MCM4: variants seen among roughly 807,000 people sequenced by gnomAD.
MCM4 encodes DNA replication licensing factor MCM4.
A neutral mutation model predicts 88.7 loss-of-function variants in MCM4; 60 were observed. The ratio of observed to expected loss-of-function variants is 0.68; its 90% CI spans 0.55 to 0.84. The LOEUF (loss-of-function observed/expected upper bound fraction) is 0.84, where lower values mean the gene tolerates loss of function less well. Among genes scored for constraint, MCM4 ranks in the 40% least tolerant of loss-of-function variants. The pLI is 0.00. For synonymous variants in MCM4, 465 were observed against 410.5 expected, an observed-to-expected ratio of 1.13 and a Z score of -1.61; for missense variants, 1,149 against 1,105.5, an observed-to-expected ratio of 1.04 and a Z score of -0.56.
At chr8:47,975,896 CTT>C in intron 16 of MCM4, 48 bp downstream of exon 16, 1 of 1,343,192 alleles carries the variant, frequency 7.4e-7, no homozygotes, top group Non-Finnish European at 9.8e-7. Context: ...TCTCTTTTTC[CTT>C]AATATTGCTT....
chr8:47,966,716 C>T (rs2090901874), intron 9 of MCM4, among the ~76,000 whole-genome samples: 1 of 152,152 alleles, frequency 6.6e-6, no homozygotes, highest in African/African-American at 2.4e-5. Context: ...CTGCTTTTTC[C>T]ATTGGTAAAG....
At position 47,961,337 on chromosome 8, in the gene MCM4, C is replaced by T. The variant is rs17287548; in HGVS notation, c.70+123C>T. On this transcript the variant is annotated intron_variant, in intron 2 of 16. Transcript: ENST00000649973. ...CGCTCAGCCTCGGGCTGGGCGCTGC[C>T]GCTTGGTGCGCACAGACACCCACAG... 1,437 of 1,458,288 alleles carry T rather than the reference C, an allele frequency of 9.9e-4. 27 individuals are homozygous for T. In the African/African-American group the frequency reaches 0.019, roughly 19 times the overall value. The allele number at this position is 1,458,288 out of a possible 1,614,324, so 90.3% of individuals were successfully genotyped here. A position where few individuals can be genotyped will look rare whatever the true frequency, so the allele number is the denominator to read the frequency against.
rs2090816244 is a variant in MCM4 at position 47,961,012 on chromosome 8, A to G, written c.-17A>G. The G allele has an allele frequency of 1.0e-6, 1 of 1,000,210 alleles. No individual in the cohort carries two copies. Among genetic ancestry groups the G allele is most frequent in the South Asian group, 1.9e-5 (1 of 53,526 alleles). The allele number at this position is 1,000,210 out of a possible 1,614,324, so 62.0% of individuals were successfully genotyped here. ...GTCGTCGGCAAGCGGCCGCCTTTCC[A>G]CGGTAACCGCGCGCCGGCGGGGAGG... is the stretch of plus-strand genomic sequence containing the variant. On this transcript the variant is annotated splice_region_variant and 5_prime_UTR_variant, in exon 1 of 17. Transcript: ENST00000649973.
chr8:47,975,019 G>C (rs1200797983), intron 15 of MCM4, 57 bp downstream of exon 15: 1 of 1,349,196 alleles, frequency 7.4e-7, no homozygotes, highest in Non-Finnish European at 1.0e-6. Flanking sequence ...TATGCATGTA[G>C]TTTATATGTC....
rs562830599 is a variant in MCM4 at position 47,975,796 on chromosome 8, C to G, written c.2447C>G (p.Pro816Arg). The stretch of plus-strand genomic sequence containing the variant: ...CTTATTTTATCTAAGGGCAAAACAC[C>G]AGCTCTAAAATACCAGCAACTTTTT... ...KKLILSKGKT[P>R]ALKYQQLFED... Residue 816 changes from proline to arginine, a missense_variant, in exon 16 of 17, where the codon CCA (proline) becomes CGA (arginine). Physicochemically the swap from Pro to Arg is moderately radical, Grantham distance 103. Coordinates refer to ENST00000649973, the MANE Select transcript of MCM4 (RefSeq NM_182746.3). 3.1e-5 allele frequency: 49 copies of G among 1,586,560 alleles called. No individual in the cohort carries two copies. The Admixed American group carries it at 6.4e-4, about 21-fold the overall frequency.
At chr8:47,962,002 G>C in intron 3 of MCM4, 51 bp from the exon 4 acceptor site, 1 of 1,540,910 alleles carries the variant, frequency 6.5e-7, no homozygotes, top group Non-Finnish European at 9.0e-7. Flanking sequence ...ACAACATGCT[G>C]TAATTTCAGG....
At chr8:47,971,495 C>A in intron 13 of MCM4, 27 bp downstream of exon 13, 1 of 1,610,312 alleles carries the variant, frequency 6.2e-7, no homozygotes, top group South Asian at 1.1e-5. Flanking sequence ...TTATTTTGTT[C>A]ATTTGTAGAA....
chr8:47,962,221 G>A lies in MCM4; in HGVS notation c.399+5G>A, dbSNP rs368548676. The A allele has an allele frequency of 2.2e-5, 35 of 1,614,068 alleles. No individual in the cohort carries two copies. Among genetic ancestry groups the A allele is most frequent in the Non-Finnish European group, 3.0e-5 (35 of 1,180,028 alleles). ...GTGGATCTGCAGTCTGACGGGGTGA[G>A]TATGCAGTCTCCTGAAACCATCTTA... is the stretch of plus-strand genomic sequence containing the variant. On this transcript the variant is annotated splice_donor_5th_base_variant and intron_variant, in intron 4 of 16. Coordinates refer to ENST00000649973, the MANE Select transcript of MCM4 (RefSeq NM_182746.3).
rs2090995713 is a variant in MCM4 at position 47,975,801 on chromosome 8, C to G, written c.2452C>G (p.Leu818Val). The change falls in exon 16 of 17, where the codon CTA (leucine) becomes GTA (valine). Residue 818 changes from leucine (L) to valine (V), a missense_variant. Leu to Val is a conservative substitution (Grantham distance 32). Coordinates refer to ENST00000649973, the MANE Select transcript of MCM4 (RefSeq NM_182746.3). The stretch of plus-strand genomic sequence containing the variant: ...TTTATCTAAGGGCAAAACACCAGCT[C>G]TAAAATACCAGCAACTTTTTGAAGA... ...LILSKGKTPA[L>V]KYQQLFEDIR... 2 of 1,586,494 alleles carry G rather than the reference C, an allele frequency of 1.3e-6. No homozygotes were observed. Among genetic ancestry groups the G allele is most frequent in the Non-Finnish European group, 8.5e-7 (1 of 1,169,830 alleles).
At position 47,966,245 on chromosome 8, in the gene MCM4, C is replaced by G; in HGVS notation, c.891C>G (p.Pro297=). 12 of 1,614,070 alleles carry G rather than the reference C, an allele frequency of 7.4e-6. No homozygotes were observed. Among genetic ancestry groups the G allele is most frequent in the Non-Finnish European group, 1.0e-5 (12 of 1,180,012 alleles). The change falls in exon 9 of 17, where the codon CCC becomes CCG. Residue 297 remains proline (P), a synonymous_variant. Coordinates refer to ENST00000649973, the MANE Select transcript of MCM4 (RefSeq NM_182746.3). ...GMVIRTSQLI[P]EMQEAFFQCQ... ...TGATCAGGACATCCCAGCTGATTCC[C>G]GAGATGCAGGAGGCCTTCTTCCAGT...
Position 47,962,178 on chromosome 8 carries a change from G to T in MCM4, c.361G>T (p.Ala121Ser), listed in dbSNP as rs569961103. 2.9e-5 allele frequency: 47 copies of T among 1,614,212 alleles called. No homozygotes were observed. In the South Asian group the frequency reaches 5.2e-4, roughly 18 times the overall value. ...PVRQRPDLGS[A>S]QKGLQVDLQS... Reference sequence around the variant, plus strand: ...GAGACAGAGGCCTGACCTGGGCTCTGCACAGAAGGGCCTGCAAGTGGATCT... The same window carrying T: ...GAGACAGAGGCCTGACCTGGGCTCTTCACAGAAGGGCCTGCAAGTGGATCT... Residue 121 changes from alanine (A) to serine (S), a missense_variant, in exon 4 of 17, where the codon GCA (alanine) becomes TCA (serine). Around this residue, in one of 3 missense-constraint regions of MCM4, gnomAD observed 906 missense variants for 843.0 expected, o/e 1.07. Coordinates refer to ENST00000649973, the MANE Select transcript of MCM4 (RefSeq NM_182746.3).
At chr8:47,962,246 A>G (rs1195247952) in intron 4 of MCM4, 30 bp downstream of exon 4, 1 of 1,613,816 alleles carries the variant, frequency 6.2e-7, no homozygotes, top group Non-Finnish European at 8.5e-7. Flanking sequence ...AAACCATCTT[A>G]TGGCGGGTAT....
chr8:47,962,474 A>C, intron 5 of MCM4, 68 bp downstream of exon 5: 1 of 1,488,954 alleles, frequency 6.7e-7, no homozygotes, highest in Non-Finnish European at 9.3e-7. Context: ...TTTATAATCT[A>C]TATCTAAGTA....
chr8:47,962,737 C>T lies in MCM4; in HGVS notation c.502-27C>T, dbSNP rs758069456. On this transcript the variant is annotated intron_variant, in intron 5 of 16. Coordinates refer to ENST00000649973, the MANE Select transcript of MCM4 (RefSeq NM_182746.3). ...TTGCCTGTTCCCAAATGCTATATGCCTAATACAGTTTTCTCTCCACTTAAA... is the reference window on the plus strand; with the variant it reads ...TTGCCTGTTCCCAAATGCTATATGCTTAATACAGTTTTCTCTCCACTTAAA... 2.1e-6 allele frequency: 3 copies of T among 1,398,500 alleles called. No homozygotes were observed. In the South Asian group the frequency reaches 3.7e-5, roughly 17 times the overall value. 86.6% of individuals were successfully genotyped at this position (1,398,500 alleles called of 1,614,324 possible).
chr8:47,964,339 A>G (rs758440181), intron 7 of MCM4, among the ~76,000 whole-genome samples: 2 of 152,260 alleles, frequency 1.3e-5, no homozygotes, highest in African/African-American at 2.4e-5. Flanking sequence ...AGAATATGCC[A>G]GTATACATCA....
chr8:47,967,091 G>T (rs1313864627), intron 9 of MCM4, among the ~76,000 whole-genome samples: 1 of 152,210 alleles, frequency 6.6e-6, no homozygotes, highest in Non-Finnish European at 1.5e-5. Context: ...AGGGTACCTG[G>T]TTTGGAAAGG....
At chr8:47,969,462 T>C in intron 10 of MCM4, 1 of 251,262 alleles carries the variant, frequency 4.0e-6, no homozygotes, top group Non-Finnish European at 7.8e-6. Flanking sequence ...TTCTCCTTGT[T>C]GATTAGGGTG....
chr8:47,970,068 A>G lies in MCM4; in HGVS notation c.1434+11A>G. On this transcript the variant is annotated intron_variant, in intron 11 of 16. Coordinates refer to ENST00000649973, the MANE Select transcript of MCM4 (RefSeq NM_182746.3). The stretch of plus-strand genomic sequence containing the variant: ...GAAGATATAAAGAAGGTAACAGTGG[A>G]TTTTAAACTAGGGGTTGGGATTTAC... 6.2e-7 allele frequency: 1 copy of G among 1,611,316 alleles called. No individual in the cohort carries two copies. The highest frequency in any genetic ancestry group is 8.5e-7 in the Non-Finnish European group (1 of 1,178,468).
intron 2 of MCM4, 126 bp downstream of exon 2, chr8:47,961,340 T>C (rs2090828586): frequency 6.9e-7 from 1 of 1,458,986 alleles, no homozygotes; most frequent in African/African-American, 1.4e-5. Flanking sequence ...GCGCTGCCGC[T>C]TGGTGCGCAC....
Sources: gnomAD v4.1 joint callset for allele counts (sites outside exome capture counted in the v4.1 genomes callset) on GRCh38, gnomAD v4.1.1 for gene constraint, gnomAD v4.1.1 regional missense constraint, MANE v1.5 for transcripts, NCBI Gene and HGNC (gene_info 2026-07-23, HGNC 2026-07-21) for gene names.